Variants in PDE3A observed in about 807,000 individuals in gnomAD.
PDE3A encodes the protein cGMP-inhibited 3',5'-cyclic phosphodiesterase 3A.
A neutral mutation model predicts 98.3 loss-of-function variants in PDE3A; 43 were observed. That is an observed-to-expected ratio of 0.44 (90% confidence interval 0.34 to 0.56). The LOEUF is 0.56. PDE3A is among the 20% of genes least tolerant of loss of function. The probability of loss-of-function intolerance (pLI) is 0.01; values close to 1 mark genes in which losing one functional copy is unlikely to be tolerated. For synonymous variants in PDE3A, 663 were observed against 567.9 expected, an observed-to-expected ratio of 1.17 and a Z score of -2.38; for missense variants, 1,427 against 1,440.7, an observed-to-expected ratio of 0.99 and a Z score of 0.15.
intron 1 of PDE3A, among the ~76,000 whole-genome samples, chr12:20,451,226 G>A (rs1945058345): frequency 6.6e-6 from 1 of 152,158 alleles, no homozygotes; most frequent in African/African-American, 2.4e-5. Flanking sequence ...AGACCTCAGT[G>A]TATTAACAGT....
intron 1 of PDE3A, among the ~76,000 whole-genome samples, chr12:20,380,729 A>G (rs1392833564): frequency 6.6e-6 from 1 of 151,842 alleles, no homozygotes; most frequent in Non-Finnish European, 1.5e-5. Flanking sequence ...AGAGATTGCT[A>G]TCACTGACAA....
chr12:20,385,999 TATATATAAATATATATA>T (rs1565532312), intron 1 of PDE3A, among the ~76,000 whole-genome samples: 22 of 103,770 alleles, frequency 2.1e-4, no homozygotes, highest in African/African-American at 8.6e-4. Flanking sequence ...ATATAAAATA[TATATATAAATATATATA>T]AAATATATAT....
chr12:20,604,308 T>C (rs573258084), intron 2 of PDE3A, among the ~76,000 whole-genome samples: 87 of 152,280 alleles, frequency 5.7e-4, no homozygotes, highest in African/African-American at 2.1e-3. Context: ...AGAAGCAGTC[T>C]AACTTCGGTT....
chr12:20,444,609 C>T (rs751379273), intron 1 of PDE3A, among the ~76,000 whole-genome samples: 13 of 152,118 alleles, frequency 8.5e-5, no homozygotes, highest in Non-Finnish European at 1.8e-4. Flanking sequence ...TTGACATTTA[C>T]GAGCTCAAAA....
chr12:20,479,022 C>T (rs1187804425), intron 1 of PDE3A, among the ~76,000 whole-genome samples: 1 of 152,142 alleles, frequency 6.6e-6, no homozygotes, highest in African/African-American at 2.4e-5. Context: ...TTAAAACCCA[C>T]ATTTTATTAT....
intron 2 of PDE3A, among the ~76,000 whole-genome samples, chr12:20,595,995 G>A (rs1454888246): frequency 1.3e-5 from 2 of 152,060 alleles, no homozygotes; most frequent in East Asian, 1.9e-4. Context: ...TTTTTAATCA[G>A]TGCTTGTATT....
chr12:20,424,154 G>A (rs1944567643), intron 1 of PDE3A, among the ~76,000 whole-genome samples: 1 of 152,160 alleles, frequency 6.6e-6, no homozygotes, highest in Non-Finnish European at 1.5e-5. Context: ...ATACTTCTCA[G>A]CTTGAAATTC....
rs1203250860 is a variant in PDE3A, at chr12:20,617,598, G to GTATT, written c.1424+1215_1424+1218dup. ...CAGCAAATACTGATAAATGCTAATA[G>GTATT]TATTATAGTTAACTATTGCTTAATA... On this transcript the variant is annotated intron_variant, in intron 4 of 15. Coordinates refer to ENST00000359062, the MANE Select transcript of PDE3A (RefSeq NM_000921.5). Among the ~76,000 whole-genome samples the GTATT allele has an allele frequency of 4.6e-5, 7 of 152,200 alleles. No homozygotes were observed. In the East Asian group the frequency reaches 1.4e-3, roughly 29 times the overall value.
At chr12:20,476,195 CAGG>C (rs1591971114) in intron 1 of PDE3A, among the ~76,000 whole-genome samples, 2 of 152,246 alleles carry the variant, frequency 1.3e-5, no homozygotes, top group East Asian at 3.9e-4. Flanking sequence ...TGTAGAAAAA[CAGG>C]AGTAGAGCAT....
chr12:20,655,308 C>T (rs190390724), intron 15 of PDE3A, among the ~76,000 whole-genome samples: 124 of 152,198 alleles, frequency 8.1e-4, no homozygotes, highest in Non-Finnish European at 2.9e-4. Context: ...GGAGTGCTCC[C>T]TGGGGCTGTA....
intron 12 of PDE3A, among the ~76,000 whole-genome samples, chr12:20,648,202 G>C (rs2121516344): frequency 6.6e-6 from 1 of 151,638 alleles, no homozygotes; most frequent in African/African-American, 2.4e-5. Flanking sequence ...ATGTGTTTAA[G>C]AGGAGATAAT....
rs750288734 is a variant in PDE3A, at chr12:20,370,109, G to T, written c.825G>T (p.Leu275=). The change falls in exon 1 of 16, where the codon CTG becomes CTT. Residue 275 remains leucine, a synonymous_variant. Coordinates refer to ENST00000359062, the MANE Select transcript of PDE3A (RefSeq NM_000921.5). ...AAPREHLGSQ[L]IAGTKEDIPV... is the part of the protein sequence containing the mutation. ...CAAGGGAGCATTTGGGGTCCCAGCT[G>T]ATTGCTGGGACCAAGGAAGATATCC... 1.2e-5 allele frequency: 20 copies of T among 1,613,022 alleles called. No individual in the cohort carries two copies. The highest frequency in any genetic ancestry group is 1.7e-5 in the Non-Finnish European group (20 of 1,179,764).
intron 15 of PDE3A, among the ~76,000 whole-genome samples, chr12:20,675,910 G>A (rs1433752846): frequency 6.6e-6 from 1 of 152,098 alleles, no homozygotes; most frequent in Non-Finnish European, 1.5e-5. Context: ...ACATAATTAA[G>A]TCATGTTCTT....
intron 11 of PDE3A, 29 bp downstream of exon 11, chr12:20,646,632 T>C: frequency 1.4e-6 from 2 of 1,419,490 alleles, no homozygotes; most frequent in Non-Finnish European, 2.0e-6. Context: ...TGCACTGCCT[T>C]ATGAAAGATG....
chr12:20,629,781 C>A, intron 5 of PDE3A, 127 bp from the exon 6 acceptor site: 1 of 696,660 alleles, frequency 1.4e-6, no homozygotes, highest in Non-Finnish European at 2.5e-6. Context: ...GTGGAGGAGG[C>A]CAGCCCGGTG....
At chr12:20,609,265 TTTATATACAA>T (rs1943789702) in intron 2 of PDE3A, among the ~76,000 whole-genome samples, 1 of 152,008 alleles carries the variant, frequency 6.6e-6, no homozygotes, top group African/African-American at 2.4e-5. Context: ...AATAACATTT[TTTATATACAA>T]ATAAGTCCCT....
intron 1 of PDE3A, among the ~76,000 whole-genome samples, chr12:20,424,606 T>C (rs1432347711): frequency 1.3e-5 from 2 of 152,178 alleles, no homozygotes; most frequent in Admixed American, 1.3e-4. Context: ...ATAGGTGGTG[T>C]AGAATGATGT....
chr12:20,371,008 C>T (rs1388475898), intron 1 of PDE3A, among the ~76,000 whole-genome samples: 3 of 152,144 alleles, frequency 2.0e-5, no homozygotes, highest in Non-Finnish European at 4.4e-5. Context: ...TATGTGCATA[C>T]TTAAGTGGAT....
At position 20,685,150 on chromosome 12, in the gene PDE3A, C is replaced by T. The variant is rs1030148231; in HGVS notation, c.*4879C>T. Among the ~76,000 whole-genome samples, 19 of 152,086 alleles carry T rather than the reference C, an allele frequency of 1.2e-4. No homozygotes were observed. Among genetic ancestry groups the T allele is most frequent in the African/African-American group, 2.7e-4 (11 of 41,416 alleles). On this transcript the variant is annotated 3_prime_UTR_variant, in exon 16 of 16. Transcript: ENST00000359062. ...TTTTTGGGCCGGGCGCAGTGGCTCA[C>T]GCCTGTAATCCCAGCACTTTGGGAG...
Sources: gnomAD v4.1 joint callset for allele counts (sites outside exome capture counted in the v4.1 genomes callset) on GRCh38, gnomAD v4.1.1 for gene constraint, MANE v1.5 for transcripts, NCBI Gene and HGNC (gene_info 2026-07-23, HGNC 2026-07-21) for gene names.